The following DNAI7 variants were observed in gnomAD, a reference collection of about 807,000 sequenced individuals.
The protein encoded by DNAI7 is dynein axonemal intermediate chain 7.
DNAI7 carries 78 observed loss-of-function variants against 86.6 expected under a neutral mutation model. The ratio of observed to expected loss-of-function variants is 0.90; its 90% CI spans 0.75 to 1.09. The LOEUF (loss-of-function observed/expected upper bound fraction) is 1.09. Ranked by LOEUF, DNAI7 falls within the 50% of genes least tolerant of loss-of-function variation. The pLI, the probability that DNAI7 is intolerant of heterozygous loss-of-function variation, is 0.00. For missense variants in DNAI7, 753 were observed against 810.2 expected (o/e 0.93, Z 0.86); for synonymous variants, 274 against 273.0 (o/e 1.00, Z -0.04).
intron 6 of DNAI7, among the ~76,000 whole-genome samples, chr12:25,150,517 T>C (rs1267836754): frequency 7.1e-6 from 1 of 141,184 alleles, no homozygotes; most frequent in Non-Finnish European, 1.5e-5. Context: ...GTCAGGAGGA[T>C]GGTGTGAACC....
chr12:25,112,523 C>T lies in DNAI7; in HGVS notation c.1612-584G>A, dbSNP rs1373827747. Among the ~76,000 whole-genome samples, 6 of 147,730 alleles carry T rather than the reference C, an allele frequency of 4.1e-5. No homozygotes were observed. The Admixed American group carries it at 4.2e-4, about 10-fold the overall frequency. On this transcript the variant is annotated intron_variant, in intron 13 of 15. Coordinates refer to ENST00000395987, the MANE Select transcript of DNAI7 (RefSeq NM_018272.5). ...CCAGGTTCACACCATTCTCCTGCTT[C>T]AGCCTCCCTAGTAGCTGGGACTACA...
chr12:25,142,494 A>AT (rs1159202387), intron 9 of DNAI7, among the ~76,000 whole-genome samples: 1 of 147,712 alleles, frequency 6.8e-6, no homozygotes, highest in African/African-American at 2.5e-5. Flanking sequence ...ACCTTTTGAA[A>AT]TAAAAAAAAA....
intron 6 of DNAI7, among the ~76,000 whole-genome samples, chr12:25,151,332 A>C (rs1945514567): frequency 6.6e-6 from 1 of 152,192 alleles, no homozygotes; most frequent in South Asian, 2.1e-4. Flanking sequence ...GAGTTTATTA[A>C]ATAAATTTGA....
At chr12:25,156,723 A>C (rs1367069716) in intron 4 of DNAI7, among the ~76,000 whole-genome samples, 2 of 152,098 alleles carry the variant, frequency 1.3e-5, no homozygotes, top group Admixed American at 1.3e-4. Context: ...CCTGGGTGAC[A>C]GAACAAGACT....
chr12:25,126,143 A>G (rs557525032), intron 9 of DNAI7, among the ~76,000 whole-genome samples: 12 of 152,284 alleles, frequency 7.9e-5, no homozygotes, highest in Admixed American at 1.3e-4. Flanking sequence ...GTGAAAGTGA[A>G]AGGCATGAAG....
At chr12:25,173,610 C>A (rs1948378431) in intron 2 of DNAI7, among the ~76,000 whole-genome samples, 1 of 151,866 alleles carries the variant, frequency 6.6e-6, no homozygotes, top group Admixed American at 6.6e-5. Context: ...GGTATCTAAC[C>A]AGAGGAAAAG....
intron 2 of DNAI7, among the ~76,000 whole-genome samples, chr12:25,175,619 A>T (rs1020266090): frequency 7.0e-6 from 1 of 141,878 alleles, no homozygotes; most frequent in Non-Finnish European, 1.6e-5. Flanking sequence ...AAGTGCTGGG[A>T]TTACAGGCAT....
intron 9 of DNAI7, among the ~76,000 whole-genome samples, chr12:25,134,507 C>A (rs1235137640): frequency 6.6e-6 from 1 of 151,892 alleles, no homozygotes; most frequent in Non-Finnish European, 1.5e-5. Flanking sequence ...CAGGCACATG[C>A]CACCATGCCC....
At chr12:25,145,860 A>G (rs1944762685) in intron 8 of DNAI7, among the ~76,000 whole-genome samples, 1 of 152,234 alleles carries the variant, frequency 6.6e-6, no homozygotes, top group Non-Finnish European at 1.5e-5. Flanking sequence ...CATTCCTCAG[A>G]AAGATGTTTC....
chr12:25,171,627 C>T (rs1948150804), intron 2 of DNAI7, among the ~76,000 whole-genome samples: 1 of 152,112 alleles, frequency 6.6e-6, no homozygotes, highest in Admixed American at 6.6e-5. Flanking sequence ...TCTATGAAGC[C>T]AGCATCACCC....
intron 2 of DNAI7, among the ~76,000 whole-genome samples, chr12:25,176,319 T>A (rs917353719): frequency 9.9e-5 from 15 of 152,068 alleles, no homozygotes; most frequent in African/African-American, 3.1e-4. Flanking sequence ...ATTTATTTCC[T>A]TTGTCTCTAA....
chr12:25,189,693 T>C (rs1166334935), intron 2 of DNAI7, among the ~76,000 whole-genome samples: 2 of 151,988 alleles, frequency 1.3e-5, no homozygotes, highest in African/African-American at 4.8e-5. Flanking sequence ...AATTGATCTG[T>C]AAAAGGGAAC....
At chr12:25,109,339 G>A (rs1439835269) in intron 15 of DNAI7, among the ~76,000 whole-genome samples, 2 of 152,186 alleles carry the variant, frequency 1.3e-5, no homozygotes, top group Non-Finnish European at 2.9e-5. Context: ...AACCCTCTCA[G>A]AGGAGAGGGG....
Position 25,114,640 on chromosome 12 carries a change from T to G in DNAI7, c.1611+16A>C. ...CTCTGATACGATAGTACATAACAGC[T>G]ACAAGAGTAACTCACCTTAATTTGT... On this transcript the variant is annotated intron_variant, in intron 13 of 15. Transcript: ENST00000395987. 1.3e-6 allele frequency: 2 copies of G among 1,551,994 alleles called. No homozygotes were observed. Among genetic ancestry groups the G allele is most frequent in the Non-Finnish European group, 1.8e-6 (2 of 1,123,922 alleles).
At chr12:25,194,471 T>C (rs1950850979) in intron 1 of DNAI7, among the ~76,000 whole-genome samples, 1 of 152,200 alleles carries the variant, frequency 6.6e-6, no homozygotes, top group Non-Finnish European at 1.5e-5. Flanking sequence ...AGAAAATGTC[T>C]TGATGGAAAC....
intron 9 of DNAI7, among the ~76,000 whole-genome samples, chr12:25,141,230 C>T (rs1349326434): frequency 6.6e-6 from 1 of 152,174 alleles, no homozygotes; most frequent in Non-Finnish European, 1.5e-5. Flanking sequence ...AACTAAAAAG[C>T]TTCTGCATAG....
chr12:25,173,841 TATATATACATC>T (rs1390866361), intron 2 of DNAI7, among the ~76,000 whole-genome samples: 4 of 147,624 alleles, frequency 2.7e-5, no homozygotes, highest in Non-Finnish European at 6.0e-5. Context: ...CCACATCATA[TATATATACATC>T]ATATGTATAC....
Position 25,154,454 on chromosome 12 carries a change from C to T in DNAI7, c.303G>A (p.Trp101Ter), listed in dbSNP as rs754135111. ...TCCCATCACATTGAATGTAGTGCTT[C>T]CACTGTGGAATAAAAATGTTTAAAG... ...LKQETKLLSQ[W>*]KHYIQCDGSP... Residue 101 changes from tryptophan (W) to a stop codon, truncating the protein, a stop_gained and splice_region_variant, in exon 6 of 16, where the codon TGG (tryptophan) becomes TGA (stop). Transcript: ENST00000395987. LOFTEE classifies it high-confidence loss of function. 10 of 1,603,004 alleles carry T rather than the reference C, an allele frequency of 6.2e-6. No individual in the cohort carries two copies. Among genetic ancestry groups the T allele is most frequent in the Non-Finnish European group, 8.5e-6 (10 of 1,177,684 alleles).
At chr12:25,111,630 TG>T in intron 14 of DNAI7, 141 bp downstream of exon 14, 1 of 337,824 alleles carries the variant, frequency 3.0e-6, no homozygotes, top group Non-Finnish European at 4.6e-6. Context: ...CCTGGATTTC[TG>T]GTCTTTTCAC....
Sources: gnomAD v4.1 joint callset for allele counts (sites outside exome capture counted in the v4.1 genomes callset) on GRCh38, gnomAD v4.1.1 for gene constraint, MANE v1.5 for transcripts, NCBI Gene and HGNC (gene_info 2026-07-23, HGNC 2026-07-21) for gene names.